SCHIP1: variants seen among roughly 807,000 people sequenced by gnomAD.
The protein encoded by SCHIP1 is schwannomin-interacting protein 1.
Under a neutral mutation model 29.7 loss-of-function variants are expected in SCHIP1, and 8 were observed. That is an observed-to-expected ratio of 0.27 (90% CI 0.16 to 0.49). The LOEUF (loss-of-function observed/expected upper bound fraction) is 0.49, where lower values mean the gene tolerates loss of function less well. SCHIP1 is among the 20% of genes least tolerant of loss of function. The probability of loss-of-function intolerance (pLI) is 0.99; values close to 1 mark genes in which losing one functional copy is unlikely to be tolerated. For missense variants in SCHIP1, 193 were observed against 294.6 expected, an observed-to-expected ratio of 0.66 and a Z score of 2.52; for synonymous variants, 76 against 94.9, an observed-to-expected ratio of 0.80 and a Z score of 1.16.
At chr3:159,733,638 C>T in the SCHIP1 span, among the ~76,000 whole-genome samples, 2 of 152,100 alleles carry the variant, frequency 1.3e-5, no homozygotes, top group Non-Finnish European at 2.9e-5. Context: ...ATACTCCATG[C>T]CTTTTAAAAA....
chr3:159,547,471 A>ATGAAGGT, the SCHIP1 span, among the ~76,000 whole-genome samples: 2 of 152,110 alleles, frequency 1.3e-5, no homozygotes, highest in Non-Finnish European at 2.9e-5. Flanking sequence ...TTGGTGTTTT[A>ATGAAGGT]GTTATGAAGC....
At chr3:159,521,173 G>T in the SCHIP1 span, among the ~76,000 whole-genome samples, 1 of 152,154 alleles carries the variant, frequency 6.6e-6, no homozygotes, top group African/African-American at 2.4e-5. Context: ...AATCTACAAA[G>T]TGACCTCATG....
At chr3:159,446,798 T>C in the SCHIP1 span, among the ~76,000 whole-genome samples, 16 of 152,138 alleles carry the variant, frequency 1.1e-4, no homozygotes, top group African/African-American at 3.9e-4. Flanking sequence ...ACCAAAAGGG[T>C]TGTTAACTTA....
the SCHIP1 span, among the ~76,000 whole-genome samples, chr3:159,434,022 A>G: frequency 5.3e-5 from 8 of 152,142 alleles, no homozygotes; most frequent in East Asian, 1.2e-3. Context: ...CCTCCACTTG[A>G]ACTGCAATTA....
At chr3:159,553,231 T>C in the SCHIP1 span, among the ~76,000 whole-genome samples, 1 of 151,110 alleles carries the variant, frequency 6.6e-6, no homozygotes, top group Non-Finnish European at 1.5e-5. Flanking sequence ...AATGGATATA[T>C]TTATGAAAAA....
the SCHIP1 span, among the ~76,000 whole-genome samples, chr3:159,716,328 A>G: frequency 2.0e-5 from 3 of 152,230 alleles, no homozygotes; most frequent in South Asian, 2.1e-4. Context: ...GATGCTAGCA[A>G]GACACTGCAT....
chr3:159,337,609 G>A, the SCHIP1 span, among the ~76,000 whole-genome samples: 1 of 152,060 alleles, frequency 6.6e-6, no homozygotes, highest in African/African-American at 2.4e-5. Context: ...GCTTCAAAGA[G>A]AATAAAATAC....
the SCHIP1 span, among the ~76,000 whole-genome samples, chr3:159,651,141 T>C: frequency 1.3e-5 from 2 of 152,222 alleles, no homozygotes; most frequent in East Asian, 1.9e-4. Flanking sequence ...ATTTTATTAT[T>C]ACTTATGTTT....
At chr3:159,672,096 T>C in the SCHIP1 span, among the ~76,000 whole-genome samples, 7 of 152,236 alleles carry the variant, frequency 4.6e-5, no homozygotes, top group South Asian at 2.1e-4. Flanking sequence ...GACTCCAGAA[T>C]TGAACTTTGA....
chr3:159,281,152 G>A, the SCHIP1 span, among the ~76,000 whole-genome samples: 20 of 152,192 alleles, frequency 1.3e-4, no homozygotes, highest in Non-Finnish European at 8.8e-5. Flanking sequence ...TGCAAAAGTC[G>A]CCCTTGCCAA....
intron 1 of SCHIP1, chr3:159,853,200 G>C (rs1309595203): frequency 6.7e-6 from 3 of 448,626 alleles, no homozygotes; most frequent in Admixed American, 4.3e-5. Context: ...GGCCAGGGAG[G>C]CTGGGCGGGG....
chr3:159,603,641 G>C, the SCHIP1 span, among the ~76,000 whole-genome samples: 2 of 152,146 alleles, frequency 1.3e-5, no homozygotes, highest in Non-Finnish European at 2.9e-5. Flanking sequence ...ATTAGGAAAA[G>C]TATCCTGTTT....
At chr3:159,588,820 C>G in the SCHIP1 span, among the ~76,000 whole-genome samples, 1 of 152,050 alleles carries the variant, frequency 6.6e-6, no homozygotes, top group Non-Finnish European at 1.5e-5. Context: ...TTCCATTGGT[C>G]TATATCTGTT....
At chr3:159,574,193 T>G in the SCHIP1 span, among the ~76,000 whole-genome samples, 1 of 152,232 alleles carries the variant, frequency 6.6e-6, no homozygotes, top group African/African-American at 2.4e-5. Flanking sequence ...GAAGAGGCAC[T>G]CTGGTTTTTA....
chr3:159,891,894 G>A (rs1268885621), intron 5 of SCHIP1, among the ~76,000 whole-genome samples: 3 of 152,202 alleles, frequency 2.0e-5, no homozygotes, highest in African/African-American at 7.2e-5. Flanking sequence ...ATTGGAAATA[G>A]TTCGTACTTT....
At chr3:159,315,610 T>C in the SCHIP1 span, among the ~76,000 whole-genome samples, 5 of 152,194 alleles carry the variant, frequency 3.3e-5, no homozygotes, top group African/African-American at 1.2e-4. Context: ...TTTATCATTT[T>C]AGAACCATAG....
chr3:159,662,261 C>G, the SCHIP1 span, among the ~76,000 whole-genome samples: 12,925 of 152,204 alleles, frequency 0.085, 1,633 homozygotes, highest in African/African-American at 0.27. Flanking sequence ...CCTGTTTCTG[C>G]AATAAGAACC....
the SCHIP1 span, among the ~76,000 whole-genome samples, chr3:159,697,544 A>G: frequency 1.3e-5 from 2 of 152,216 alleles, no homozygotes; most frequent in Non-Finnish European, 2.9e-5. Context: ...TGTTTCTGGA[A>G]CAGAGTAGGT....
At chr3:159,746,650 A>C in the SCHIP1 span, among the ~76,000 whole-genome samples, 1 of 152,206 alleles carries the variant, frequency 6.6e-6, no homozygotes, top group Non-Finnish European at 1.5e-5. Flanking sequence ...GGTTGAAAGC[A>C]AAGTTTAATA....
Sources: allele counts gnomAD v4.1 joint callset (sites outside exome capture counted in the v4.1 genomes callset), GRCh38; gene constraint gnomAD v4.1.1; transcripts MANE v1.5; gene names NCBI Gene and HGNC (gene_info 2026-07-23, HGNC 2026-07-21).